Variants in SNTG1 observed in about 807,000 individuals in gnomAD.
SNTG1 encodes gamma-1-syntrophin.
SNTG1 carries 39 observed loss-of-function variants against 74.7 expected under a neutral mutation model. The observed-to-expected ratio is 0.52, with a 90% CI of 0.40 to 0.68. SNTG1 has a LOEUF of 0.68. SNTG1 is among the 30% of genes least tolerant of loss of function. The probability of loss-of-function intolerance (pLI) is 0.00; values close to 1 mark genes in which losing one functional copy is unlikely to be tolerated. For synonymous variants in SNTG1, 254 were observed against 217.1 expected, an observed-to-expected ratio of 1.17 and a Z score of -1.49; for missense variants, 685 against 609.5, an observed-to-expected ratio of 1.12 and a Z score of -1.30.
intron 18 of SNTG1, among the ~76,000 whole-genome samples, chr8:50,757,633 CT>C (rs758351967): frequency 4.0e-5 from 6 of 151,804 alleles, no homozygotes; most frequent in Non-Finnish European, 7.4e-5. Flanking sequence ...TTTTGACAAT[CT>C]TTATTTTTTA....
chr8:50,612,487 C>T (rs1235259332), intron 13 of SNTG1, among the ~76,000 whole-genome samples: 1 of 152,156 alleles, frequency 6.6e-6, no homozygotes, highest in Non-Finnish European at 1.5e-5. Context: ...TCCTTTGTCA[C>T]TTTTCATTAA....
At chr8:50,017,306 G>A (rs1816417131) in intron 1 of SNTG1, among the ~76,000 whole-genome samples, 2 of 152,040 alleles carry the variant, frequency 1.3e-5, no homozygotes, top group African/African-American at 4.8e-5. Flanking sequence ...TTAAAACTAT[G>A]TTAGAAAATA....
chr8:50,302,929 T>G (rs1239645161), intron 2 of SNTG1, among the ~76,000 whole-genome samples: 1 of 152,216 alleles, frequency 6.6e-6, no homozygotes, highest in Non-Finnish European at 1.5e-5. Flanking sequence ...TCATTGCTGC[T>G]GTAGAAAAGC....
intron 2 of SNTG1, among the ~76,000 whole-genome samples, chr8:50,326,099 TG>T (rs1407531403): frequency 6.6e-6 from 1 of 152,094 alleles, no homozygotes; most frequent in East Asian, 1.9e-4. Flanking sequence ...AGTGTATAGT[TG>T]TATACACTGT....
intron 2 of SNTG1, among the ~76,000 whole-genome samples, chr8:50,365,977 T>C (rs1048222059): frequency 1.3e-5 from 2 of 152,192 alleles, no homozygotes; most frequent in Non-Finnish European, 2.9e-5. Flanking sequence ...TTTTCTAAAA[T>C]AACCAGTTGA....
chr8:50,672,201 A>AATG (rs1167107891), intron 15 of SNTG1, among the ~76,000 whole-genome samples: 1 of 145,502 alleles, frequency 6.9e-6, no homozygotes, highest in African/African-American at 2.5e-5. Flanking sequence ...TAATAATAAT[A>AATG]AAAAAAAATG....
chr8:50,589,015 C>T (rs545917934), intron 12 of SNTG1, among the ~76,000 whole-genome samples: 25 of 151,992 alleles, frequency 1.6e-4, no homozygotes, highest in African/African-American at 5.5e-4. Context: ...AATATACTAC[C>T]TCTTTTCTGT....
intron 1 of SNTG1, among the ~76,000 whole-genome samples, chr8:50,073,993 T>C (rs1821604803): frequency 6.6e-6 from 1 of 150,410 alleles, no homozygotes; most frequent in African/African-American, 2.5e-5. Context: ...GAATGGTAAG[T>C]GAACGTTAGC....
At chr8:50,491,916 T>C (rs1053543580) in intron 8 of SNTG1, among the ~76,000 whole-genome samples, 2 of 131,126 alleles carry the variant, frequency 1.5e-5, no homozygotes, top group Admixed American at 1.7e-4. Flanking sequence ...CCCCAGTGTG[T>C]GATGTTCCCC....
chr8:50,667,622 A>G (rs1001888625), intron 15 of SNTG1, among the ~76,000 whole-genome samples: 1 of 151,910 alleles, frequency 6.6e-6, no homozygotes, highest in Non-Finnish European at 1.5e-5. Flanking sequence ...CCAAGTCCCT[A>G]CCTCTTATCA....
chr8:50,216,224 T>C (rs1049085557), intron 2 of SNTG1, among the ~76,000 whole-genome samples: 44 of 152,190 alleles, frequency 2.9e-4, no homozygotes, highest in African/African-American at 1.0e-3. Flanking sequence ...CATTTGTAAA[T>C]GACCTTTTTA....
chr8:50,653,957 C>A (rs1168220269), intron 13 of SNTG1, among the ~76,000 whole-genome samples: 1 of 152,076 alleles, frequency 6.6e-6, no homozygotes, highest in African/African-American at 2.4e-5. Flanking sequence ...TCTATTAAAC[C>A]AATCATTAAT....
chr8:50,105,743 C>G (rs967278905), intron 1 of SNTG1, among the ~76,000 whole-genome samples: 8 of 151,992 alleles, frequency 5.3e-5, no homozygotes, highest in Non-Finnish European at 2.9e-5. Flanking sequence ...AGAGAAATTT[C>G]GCTTTCCTGG....
intron 18 of SNTG1, among the ~76,000 whole-genome samples, chr8:50,772,366 T>C (rs1223658999): frequency 6.6e-6 from 1 of 152,172 alleles, no homozygotes; most frequent in East Asian, 1.9e-4. Context: ...CCTGCTGTGT[T>C]TTGGACTTAT....
In SNTG1 at chr8:50,396,761, A is replaced by G. The variant is rs142379903; in HGVS notation, c.27+2496A>G. Among the ~76,000 whole-genome samples, 101 of 152,338 alleles carry G rather than the reference A, an allele frequency of 6.6e-4. No individual in the cohort carries two copies. The East Asian group carries it at 0.017, about 26-fold the overall frequency. Reference sequence around the variant, plus strand: ...TGAAAATACATTTTGTACATTTTGAAAGACTAGAATATAAATTAAAAAGGC... The same window carrying G: ...TGAAAATACATTTTGTACATTTTGAGAGACTAGAATATAAATTAAAAAGGC... On this transcript the variant is annotated intron_variant, in intron 3 of 18. Transcript: ENST00000642720.
At chr8:50,033,787 C>T (rs1288825814) in intron 1 of SNTG1, among the ~76,000 whole-genome samples, 3 of 152,102 alleles carry the variant, frequency 2.0e-5, no homozygotes, top group Non-Finnish European at 2.9e-5. Flanking sequence ...TTTTTAATGG[C>T]CCCATCTTCA....
intron 13 of SNTG1, among the ~76,000 whole-genome samples, chr8:50,650,261 C>T (rs2095136637): frequency 1.3e-5 from 2 of 151,468 alleles, no homozygotes; most frequent in Non-Finnish European, 1.5e-5. Context: ...GATTTTAATC[C>T]TTCATTTGGT....
intron 2 of SNTG1, among the ~76,000 whole-genome samples, chr8:50,264,444 C>T (rs554377442): frequency 1.3e-5 from 2 of 151,842 alleles, no homozygotes; most frequent in South Asian, 4.2e-4. Flanking sequence ...GTGGTGCATG[C>T]CTGTACTCCC....
intron 4 of SNTG1, among the ~76,000 whole-genome samples, chr8:50,415,791 A>T (rs970237912): frequency 6.6e-6 from 1 of 152,168 alleles, no homozygotes; most frequent in Non-Finnish European, 1.5e-5. Context: ...ATAAATTTAT[A>T]AGTGGAATGT....
Sources: gnomAD v4.1 joint callset for allele counts (sites outside exome capture counted in the v4.1 genomes callset) on GRCh38, gnomAD v4.1.1 for gene constraint, MANE v1.5 for transcripts, NCBI Gene and HGNC (gene_info 2026-07-23, HGNC 2026-07-21) for gene names.